Variants in PIK3C2G observed in about 807,000 individuals in gnomAD.
The protein encoded by PIK3C2G is phosphatidylinositol-4-phosphate 3-kinase catalytic subunit type 2 gamma.
Under a neutral mutation model 181.1 loss-of-function variants are expected in PIK3C2G, and 168 were observed. That is an observed-to-expected ratio of 0.93 (90% confidence interval 0.82 to 1.05). PIK3C2G has a LOEUF of 1.05. Ranked by LOEUF, PIK3C2G falls within the 50% of genes least tolerant of loss-of-function variation. PIK3C2G has a pLI of 0.00. For missense variants in PIK3C2G, 1,869 were observed against 1,732.8 expected, an observed-to-expected ratio of 1.08 and a Z score of -1.40; for synonymous variants, 573 against 592.2, an observed-to-expected ratio of 0.97 and a Z score of 0.47.
At chr12:18,609,760 G>A (rs1208623950) in intron 31 of PIK3C2G, 131 bp downstream of exon 31, 2 of 596,230 alleles carry the variant, frequency 3.4e-6, no homozygotes, top group African/African-American at 3.8e-5. Flanking sequence ...GAAACAATGA[G>A]CCAATTACAA....
intron 1 of PIK3C2G, among the ~76,000 whole-genome samples, chr12:18,281,666 C>T (rs776116748): frequency 3.3e-5 from 5 of 151,962 alleles, no homozygotes; most frequent in Non-Finnish European, 5.9e-5. Context: ...AGCATGCCAA[C>T]ATGCTTATAG....
chr12:18,546,175 C>T (rs189862541), intron 25 of PIK3C2G, 148 bp from the exon 26 acceptor site: 2 of 581,838 alleles, frequency 3.4e-6, no homozygotes, highest in Admixed American at 6.2e-5. Flanking sequence ...AACGCACGAA[C>T]TTATATGCAT....
the PIK3C2G span, among the ~76,000 whole-genome samples, chr12:18,686,283 G>T: frequency 6.6e-6 from 1 of 151,854 alleles, no homozygotes; most frequent in Non-Finnish European, 1.5e-5. Flanking sequence ...ACTCAACTCT[G>T]TTAAAGTTAT....
At chr12:18,720,710 G>A in the PIK3C2G span, among the ~76,000 whole-genome samples, 1 of 151,978 alleles carries the variant, frequency 6.6e-6, no homozygotes, top group African/African-American at 2.4e-5. Context: ...CTTTGGCAGA[G>A]AATTTTATTT....
chr12:18,706,053 C>T, the PIK3C2G span, among the ~76,000 whole-genome samples: 1 of 151,778 alleles, frequency 6.6e-6, no homozygotes, highest in South Asian at 2.1e-4. Context: ...ATGGCGAAAC[C>T]CCATCTCTAC....
intron 1 of PIK3C2G, among the ~76,000 whole-genome samples, chr12:18,279,156 C>T (rs1385678358): frequency 6.6e-6 from 1 of 152,066 alleles, no homozygotes; most frequent in Non-Finnish European, 1.5e-5. Context: ...CATGTTCACC[C>T]ATATGCCTCC....
At chr12:18,560,913 T>C (rs1475950026) in intron 26 of PIK3C2G, among the ~76,000 whole-genome samples, 1 of 152,182 alleles carries the variant, frequency 6.6e-6, no homozygotes, top group Admixed American at 6.5e-5. Flanking sequence ...CTCACTTATA[T>C]GGTAAACAAT....
At chr12:18,330,068 T>G (rs1025227743) in intron 8 of PIK3C2G, among the ~76,000 whole-genome samples, 1 of 152,118 alleles carries the variant, frequency 6.6e-6, no homozygotes, top group African/African-American at 2.4e-5. Flanking sequence ...CTTTATATAT[T>G]TACCCTTCCT....
chr12:18,557,505 G>A (rs530188236), intron 26 of PIK3C2G, among the ~76,000 whole-genome samples: 4 of 152,148 alleles, frequency 2.6e-5, no homozygotes, highest in South Asian at 2.1e-4. Flanking sequence ...TGTCATTAAC[G>A]TATAGCTAAA....
the PIK3C2G span, among the ~76,000 whole-genome samples, chr12:18,705,819 T>C: frequency 2.0e-5 from 3 of 151,996 alleles, no homozygotes; most frequent in South Asian, 6.2e-4. Flanking sequence ...CGAGCCGAGG[T>C]TGCGCCATTG....
chr12:18,534,480 C>T (rs894939352), intron 24 of PIK3C2G, among the ~76,000 whole-genome samples: 7 of 151,992 alleles, frequency 4.6e-5, no homozygotes, highest in African/African-American at 1.4e-4. Flanking sequence ...ACAAAAATGA[C>T]AGAATCGTTA....
the PIK3C2G span, among the ~76,000 whole-genome samples, chr12:18,725,271 T>C: frequency 6.6e-6 from 1 of 152,014 alleles, no homozygotes; most frequent in Admixed American, 6.6e-5. Context: ...CGTGGTAGCA[T>C]CATGATCAAG....
chr12:18,640,789 G>A (rs1296236987), intron 32 of PIK3C2G, among the ~76,000 whole-genome samples: 2 of 152,130 alleles, frequency 1.3e-5, no homozygotes, highest in East Asian at 3.9e-4. Context: ...CTAACCTCCA[G>A]CAAGAGCCCA....
chr12:18,428,039 TATG>T (rs1214976591), intron 18 of PIK3C2G, among the ~76,000 whole-genome samples: 1 of 152,132 alleles, frequency 6.6e-6, no homozygotes, highest in Admixed American at 6.6e-5. Context: ...GTATTAAGCC[TATG>T]ACCTATTAGT....
intron 29 of PIK3C2G, among the ~76,000 whole-genome samples, chr12:18,590,352 A>G (rs1947013330): frequency 6.6e-6 from 1 of 151,976 alleles, no homozygotes; most frequent in Admixed American, 6.6e-5. Context: ...TTACCCAGGT[A>G]AATTTGAATT....
chr12:18,332,318 C>G (rs1012493783), intron 8 of PIK3C2G, among the ~76,000 whole-genome samples: 1 of 152,002 alleles, frequency 6.6e-6, no homozygotes, highest in Admixed American at 6.6e-5. Context: ...GGTACTCCAC[C>G]CTTGCTTATT....
At chr12:18,415,690 T>C (rs1317730137) in intron 16 of PIK3C2G, among the ~76,000 whole-genome samples, 1 of 152,186 alleles carries the variant, frequency 6.6e-6, no homozygotes, top group African/African-American at 2.4e-5. Flanking sequence ...TTAACCAAAT[T>C]GTGAATGCAA....
chr12:18,442,816 CTT>C (rs2135835830), intron 18 of PIK3C2G, among the ~76,000 whole-genome samples: 1 of 151,846 alleles, frequency 6.6e-6, no homozygotes, highest in African/African-American at 2.4e-5. Flanking sequence ...TTTATATAGA[CTT>C]GAGTTAGATC....
chr12:18,576,637 T>C (rs1160666858), intron 29 of PIK3C2G, among the ~76,000 whole-genome samples: 1 of 152,178 alleles, frequency 6.6e-6, no homozygotes, highest in East Asian at 1.9e-4. Context: ...CAATATAAAA[T>C]TATATAACAT....
Sources: allele counts gnomAD v4.1 joint callset (sites outside exome capture counted in the v4.1 genomes callset), GRCh38; gene constraint gnomAD v4.1.1; transcripts MANE v1.5; gene names NCBI Gene and HGNC (gene_info 2026-07-23, HGNC 2026-07-21).